ARSB: variants seen among roughly 807,000 people sequenced by gnomAD.
ARSB encodes the protein N-acetylgalactosamine-4-sulfatase.
Under a neutral mutation model 50.9 loss-of-function variants are expected in ARSB, and 41 were observed. The observed-to-expected ratio is 0.81, with a 90% CI of 0.63 to 1.04. ARSB has a LOEUF of 1.04. Ranked by LOEUF, ARSB falls within the 50% of genes least tolerant of loss-of-function variation. The pLI is 0.00. For synonymous variants in ARSB, 269 were observed against 284.8 expected (o/e 0.94, Z 0.56); for missense variants, 672 against 693.3 (o/e 0.97, Z 0.35).
chr5:78,811,602 C>T (rs1462779173), intron 6 of ARSB, among the ~76,000 whole-genome samples: 1 of 152,180 alleles, frequency 6.6e-6, no homozygotes, highest in Non-Finnish European at 1.5e-5. Flanking sequence ...ACCATGTTAA[C>T]CTTTTAAACA....
intron 5 of ARSB, among the ~76,000 whole-genome samples, chr5:78,869,841 CA>C: frequency 6.8e-6 from 1 of 147,368 alleles, no homozygotes; most frequent in Non-Finnish European, 1.5e-5. Flanking sequence ...AATAGAGACA[CA>C]AAAAACCCTT....
At chr5:78,849,901 A>G (rs905239446) in intron 5 of ARSB, among the ~76,000 whole-genome samples, 91 of 150,926 alleles carry the variant, frequency 6.0e-4, no homozygotes, top group Non-Finnish European at 1.1e-3. Context: ...TGATTTTTGT[A>G]CATTGATTTT....
intron 5 of ARSB, among the ~76,000 whole-genome samples, chr5:78,882,042 GTC>G (rs1202052344): frequency 3.9e-5 from 6 of 152,250 alleles, no homozygotes; most frequent in Non-Finnish European, 7.3e-5. Flanking sequence ...AGCAAGGTCT[GTC>G]TCTCTGGATT....
intron 6 of ARSB, among the ~76,000 whole-genome samples, chr5:78,791,705 T>G (rs1382715271): frequency 6.6e-6 from 1 of 152,270 alleles, no homozygotes; most frequent in Non-Finnish European, 1.5e-5. Context: ...CGTGCATGTA[T>G]GCACTGTTGT....
intron 6 of ARSB, among the ~76,000 whole-genome samples, chr5:78,835,050 G>A (rs970936977): frequency 3.5e-5 from 5 of 141,290 alleles, no homozygotes; most frequent in South Asian, 2.3e-4. Flanking sequence ...TATAATTTAC[G>A]TATGCATCCT....
chr5:78,906,276 T>A (rs764442665), intron 4 of ARSB, among the ~76,000 whole-genome samples: 1 of 152,128 alleles, frequency 6.6e-6, no homozygotes, highest in Non-Finnish European at 1.5e-5. Flanking sequence ...GAGGCTGCAG[T>A]GAGCTATGGT....
chr5:78,814,683 A>G (rs767389850), intron 6 of ARSB, among the ~76,000 whole-genome samples: 2 of 150,568 alleles, frequency 1.3e-5, no homozygotes, highest in Non-Finnish European at 3.0e-5. Flanking sequence ...ATGTATGTCT[A>G]CCTCCTGTTC....
chr5:78,985,095 C>A lies in ARSB; in HGVS notation c.154G>T (p.Ala52Ser). 6.6e-7 allele frequency: 1 copy of A among 1,523,762 alleles called. No homozygotes were observed. Among genetic ancestry groups the A allele is most frequent in the Non-Finnish European group, 8.8e-7 (1 of 1,134,558 alleles). The allele number at this position is 1,523,762 out of a possible 1,614,324, so 94.4% of individuals were successfully genotyped here. The change falls in exon 1 of 8, where the codon GCA becomes TCA. Residue 52 changes from alanine (A) to serine (S), a missense_variant. By Grantham distance (99) the Ala-to-Ser change is moderately conservative. Transcript: ENST00000264914. ...ACGTCGTTCCAGCCTAGGTCGTCTG[C>A]CAGCAAGAAGACCAGGTGGGGCGGC... is the stretch of plus-strand genomic sequence containing the variant. ...SRPPHLVFLL[A>S]DDLGWNDVGF...
At chr5:78,806,832 G>GACAGGAAGCT (rs1203111474) in intron 6 of ARSB, among the ~76,000 whole-genome samples, 6 of 152,202 alleles carry the variant, frequency 3.9e-5, no homozygotes, top group Non-Finnish European at 8.8e-5. Flanking sequence ...GTGCCATGTG[G>GACAGGAAGCT]ACAGGAAGCT....
intron 4 of ARSB, among the ~76,000 whole-genome samples, chr5:78,941,342 A>G (rs1750911319): frequency 6.6e-6 from 1 of 151,124 alleles, no homozygotes; most frequent in African/African-American, 2.4e-5. Context: ...GTGGTGAGAG[A>G]GGGCATCCCT....
rs1304746812 is a variant in ARSB, at chr5:78,885,717, G to T, written c.1009C>A (p.Leu337Met). 6 of 1,614,002 alleles carry T rather than the reference G, an allele frequency of 3.7e-6. No individual in the cohort carries two copies. Among genetic ancestry groups the T allele is most frequent in the Non-Finnish European group, 5.1e-6 (6 of 1,180,036 alleles). ...CGGTTCTTCACGCCCTTCTGCTTCA[G>T]CAAGGGGCTTGCCACAAAGCCCACC... ...RGVGFVASPL[L>M]KQKGVKNREL... The change falls in exon 5 of 8, where the codon CTG (leucine) becomes ATG (methionine). Residue 337 changes from leucine to methionine, a missense_variant. Transcript: ENST00000264914.
At chr5:78,856,894 G>A (rs577760779) in intron 5 of ARSB, among the ~76,000 whole-genome samples, 1 of 152,238 alleles carries the variant, frequency 6.6e-6, no homozygotes, top group African/African-American at 2.4e-5. Context: ...GTATAGCATT[G>A]TCTTTGGGAG....
chr5:78,788,121 G>A (rs1206812441), intron 6 of ARSB, among the ~76,000 whole-genome samples: 1 of 152,188 alleles, frequency 6.6e-6, no homozygotes, highest in Non-Finnish European at 1.5e-5. Flanking sequence ...AGAAGCTAGG[G>A]AGTTAAGAGA....
At chr5:78,923,066 A>G (rs1450077315) in intron 4 of ARSB, among the ~76,000 whole-genome samples, 4 of 152,208 alleles carry the variant, frequency 2.6e-5, no homozygotes, top group African/African-American at 9.6e-5. Flanking sequence ...GCATGTAGGT[A>G]GTTTATGTTG....
intron 5 of ARSB, among the ~76,000 whole-genome samples, chr5:78,842,298 A>C (rs1220123104): frequency 6.6e-6 from 1 of 152,202 alleles, no homozygotes; most frequent in Non-Finnish European, 1.5e-5. Flanking sequence ...GAGAAGTCTC[A>C]AAGCTAACTC....
At chr5:78,819,530 G>A (rs1171838068) in intron 6 of ARSB, among the ~76,000 whole-genome samples, 1 of 152,222 alleles carries the variant, frequency 6.6e-6, no homozygotes, top group Non-Finnish European at 1.5e-5. Context: ...ATTTCCCACT[G>A]TCCTCTAAAA....
rs58768585 is a variant in ARSB, at chr5:78,786,156, C to A, written c.1214-4182G>T. Among the ~76,000 whole-genome samples the A allele has an allele frequency of 3.0e-4, 46 of 152,274 alleles. No homozygotes were observed. In the East Asian group the frequency reaches 8.3e-3, roughly 27 times the overall value. ...ACCATTGGCAGTTAATCCCCATTTA[C>A]TCCCACACCCTCCAGCCCTAGGCAA... On this transcript the variant is annotated intron_variant, in intron 6 of 7. Coordinates refer to ENST00000264914, the MANE Select transcript of ARSB (RefSeq NM_000046.5).
At chr5:78,942,652 T>C (rs1750995277) in intron 4 of ARSB, among the ~76,000 whole-genome samples, 1 of 152,236 alleles carries the variant, frequency 6.6e-6, no homozygotes, top group African/African-American at 2.4e-5. Flanking sequence ...GAGAGACAGT[T>C]TGCTATAATT....
intron 6 of ARSB, among the ~76,000 whole-genome samples, chr5:78,819,937 C>T (rs186974699): frequency 6.6e-6 from 1 of 152,388 alleles, no homozygotes; most frequent in Admixed American, 6.5e-5. Context: ...CTCCAAAATC[C>T]ATATGTTGGA....
Sources: gnomAD v4.1 joint callset for allele counts (sites outside exome capture counted in the v4.1 genomes callset) on GRCh38, gnomAD v4.1.1 for gene constraint, MANE v1.5 for transcripts, NCBI Gene and HGNC (gene_info 2026-07-23, HGNC 2026-07-21) for gene names.